Variants in TAF5L observed in about 807,000 individuals in gnomAD.
TAF5L encodes TAF5-like RNA polymerase II p300/CBP-associated factor-associated factor 65 kDa subunit 5L.
TAF5L carries 7 observed loss-of-function variants against 51.3 expected under a neutral mutation model. The observed-to-expected ratio is 0.14, with a 90% CI of 0.08 to 0.26. TAF5L has a LOEUF of 0.26. Ranked by LOEUF, TAF5L falls within the 10% of genes least tolerant of loss-of-function variation. TAF5L has a pLI of 1.00. For synonymous variants in TAF5L, 291 were observed against 308.1 expected, an observed-to-expected ratio of 0.94 and a Z score of 0.58; for missense variants, 575 against 758.9, an observed-to-expected ratio of 0.76 and a Z score of 2.85.
intron 1 of TAF5L, among the ~76,000 whole-genome samples, chr1:229,624,916 A>C (rs564813639): frequency 6.6e-6 from 1 of 152,276 alleles, no homozygotes; most frequent in South Asian, 2.1e-4. Context: ...GCCTGATATA[A>C]GACACGCTCC....
At chr1:229,611,715 C>T (rs12564110) in intron 2 of TAF5L, among the ~76,000 whole-genome samples, 19,527 of 152,168 alleles carry the variant, frequency 0.13, 1,928 homozygotes, top group East Asian at 0.42. Flanking sequence ...CACTGGACTG[C>T]GTCTTTTAAC....
chr1:229,613,418 C>G (rs6691484), intron 2 of TAF5L, among the ~76,000 whole-genome samples: 6 of 151,562 alleles, frequency 4.0e-5, no homozygotes, highest in African/African-American at 1.2e-4. Flanking sequence ...CACAAAATAG[C>G]TAACAATTAC....
intron 3 of TAF5L, chr1:229,606,897 C>T: frequency 1.0e-6 from 1 of 985,440 alleles, no homozygotes; most frequent in Non-Finnish European, 1.2e-6. Context: ...AAAATACATT[C>T]AGGTGGATAT....
chr1:229,598,226 T>C (rs1664203713), intron 4 of TAF5L, among the ~76,000 whole-genome samples: 1 of 152,242 alleles, frequency 6.6e-6, no homozygotes, highest in African/African-American at 2.4e-5. Flanking sequence ...TCATGAATGA[T>C]TTTTTATATT....
At chr1:229,604,794 C>A (rs558437294) in intron 3 of TAF5L, among the ~76,000 whole-genome samples, 10 of 152,244 alleles carry the variant, frequency 6.6e-5, no homozygotes, top group Non-Finnish European at 7.4e-5. Flanking sequence ...CACCATGTGA[C>A]CAGCTACAGA....
rs777793324 is a variant in TAF5L at position 229,602,918 on chromosome 1, A to C, written c.249T>G (p.Asp83Glu). Residue 83 changes from aspartate (D) to glutamate (E), a missense_variant and splice_region_variant, in exon 4 of 5, where the codon GAT becomes GAG. Asp to Glu is a conservative substitution (Grantham distance 45, BLOSUM62 2). Transcript: ENST00000258281. The surrounding 1 kb of genome is among the most constrained non-coding windows in gnomAD (Gnocchi z 4.6). ...CTTCGTGGCTATGCTGGGAATCAGA[A>C]TCTATAATGAAAGAAAAAGAAGGCT... 7.6e-6 allele frequency: 12 copies of C among 1,584,450 alleles called. No individual in the cohort carries two copies. The highest frequency in any genetic ancestry group is 1.0e-5 in the Non-Finnish European group (12 of 1,172,646).
chr1:229,613,948 T>C (rs1664878601), intron 2 of TAF5L, among the ~76,000 whole-genome samples: 1 of 152,136 alleles, frequency 6.6e-6, no homozygotes, highest in Non-Finnish European at 1.5e-5. Flanking sequence ...GACTTCTACA[T>C]GTGAGGCTCC....
chr1:229,594,703 G>C lies in TAF5L; in HGVS notation c.1364C>G (p.Ala455Gly). 1 of 1,614,212 alleles carries C rather than the reference G, an allele frequency of 6.2e-7. No homozygotes were observed. The highest frequency in any genetic ancestry group is 8.5e-7 in the Non-Finnish European group (1 of 1,180,032). Residue 455 changes from alanine (A) to glycine (G), a missense_variant, in exon 5 of 5, where the codon GCT becomes GGT. Coordinates refer to ENST00000258281, the Ensembl canonical transcript of TAF5L. The surrounding 1 kb of genome is among the most constrained non-coding windows in gnomAD (Gnocchi z 7.9). ...AAGCCTCACCGAGTTCCCCTGCTGAGCGCTCCACAGCCGGACGGTCTTGTC... is the reference window on the plus strand; with the variant it reads ...AAGCCTCACCGAGTTCCCCTGCTGACCGCTCCACAGCCGGACGGTCTTGTC...
intron 1 of TAF5L, among the ~76,000 whole-genome samples, chr1:229,622,674 A>C (rs1233614426): frequency 6.6e-6 from 1 of 152,238 alleles, no homozygotes; most frequent in East Asian, 1.9e-4. Flanking sequence ...GCAGTGGCAC[A>C]ATCACAGCTC....
chr1:229,603,897 A>G (rs1664483935), intron 3 of TAF5L, among the ~76,000 whole-genome samples: 1 of 152,224 alleles, frequency 6.6e-6, no homozygotes, highest in Non-Finnish European at 1.5e-5. Context: ...AAGCCCCCCA[A>G]GGAGCTGAGA....
At chr1:229,600,642 C>G (rs1664338861) in intron 4 of TAF5L, 1 of 985,268 alleles carries the variant, frequency 1.0e-6, no homozygotes, top group Non-Finnish European at 1.2e-6. Flanking sequence ...TGTCTTGGCC[C>G]CTCTCCTAAC....
intron 4 of TAF5L, chr1:229,600,723 A>G: frequency 1.0e-6 from 1 of 985,450 alleles, no homozygotes; most frequent in South Asian, 4.7e-5. Flanking sequence ...GTCTTCAGAT[A>G]CACTTCTGAT....
At chr1:229,607,391 T>A in intron 3 of TAF5L, 1 of 985,478 alleles carries the variant, frequency 1.0e-6, no homozygotes, top group Non-Finnish European at 1.2e-6. Context: ...CAGACTAATA[T>A]TCATTGATCT....
At chr1:229,617,163 A>T (rs1464669020) in intron 1 of TAF5L, among the ~76,000 whole-genome samples, 1 of 152,114 alleles carries the variant, frequency 6.6e-6, no homozygotes, top group Non-Finnish European at 1.5e-5. Context: ...GTGGCCACTG[A>T]TCAGCACTGC....
chr1:229,594,729 G>T lies in TAF5L; in HGVS notation c.1338C>A (p.Thr446=). ...CGCTCCACAGCCGGACGGTCTTGTC[G>T]GTTGAGCCCGTGGCCAAGTAGTTTG... Residue 446 remains threonine, a synonymous_variant, in exon 5 of 5, where the codon ACC becomes ACA. Transcript: ENST00000258281. The surrounding 1 kb of genome is among the most constrained non-coding windows in gnomAD (Gnocchi z 7.9). The T allele has an allele frequency of 6.2e-7, 1 of 1,614,210 alleles. No homozygotes were observed. Among genetic ancestry groups the T allele is most frequent in the East Asian group, 2.2e-5 (1 of 44,880 alleles).
intron 4 of TAF5L, among the ~76,000 whole-genome samples, chr1:229,596,424 C>G (rs1439945148): frequency 6.6e-6 from 1 of 152,292 alleles, no homozygotes; most frequent in African/African-American, 2.4e-5. Context: ...TAGTGACCAG[C>G]CACAAACTGC....
chr1:229,601,706 T>C, intron 4 of TAF5L: 1 of 995,398 alleles, frequency 1.0e-6, no homozygotes, highest in African/African-American at 1.7e-5. Flanking sequence ...CCATCCAGTG[T>C]GGTGAGGGTG....
rs141034847 is a variant in TAF5L at position 229,612,569 on chromosome 1, G to A, written c.142+1772C>T. Among the ~76,000 whole-genome samples, 47 of 152,280 alleles carry A rather than the reference G, an allele frequency of 3.1e-4. No individual in the cohort carries two copies. The East Asian group carries it at 7.9e-3, about 26-fold the overall frequency. On this transcript the variant is annotated intron_variant, in intron 2 of 4. Coordinates refer to ENST00000258281, the Ensembl canonical transcript of TAF5L. ...AAGGGTATCTCTGAGGAGTTTGAAG[G>A]CAAGGAATAATGGGTGGATCCAACC...
At chr1:229,599,369 A>G (rs1163384580) in intron 4 of TAF5L, 1 of 240,318 alleles carries the variant, frequency 4.2e-6, no homozygotes, top group African/African-American at 2.3e-5. Context: ...GAGTTGTGCA[A>G]TGATCACCAC....
Sources: gnomAD v4.1 joint callset for allele counts (sites outside exome capture counted in the v4.1 genomes callset) on GRCh38, gnomAD v4.1.1 for gene constraint, Gnocchi (gnomAD v3.1) non-coding constraint, MANE v1.5 for transcripts, NCBI Gene and HGNC (gene_info 2026-07-23, HGNC 2026-07-21) for gene names.